Variants in MYEOV observed in about 807,000 individuals in gnomAD.
MYEOV encodes myeloma overexpressed, also known as myeloma-overexpressed gene protein.
MYEOV carries 4 observed loss-of-function variants against 4.5 expected under a neutral mutation model. The observed-to-expected ratio is 0.89, with a 90% CI of 0.44 to 2.03. The LOEUF (loss-of-function observed/expected upper bound fraction) is 2.03, where lower values mean the gene tolerates loss of function less well. MYEOV is among the 30% of genes most tolerant of loss of function. The probability of loss-of-function intolerance (pLI) is 0.03; values close to 1 mark genes in which losing one functional copy is unlikely to be tolerated. For synonymous variants in MYEOV, 184 were observed against 170.3 expected (o/e 1.08, Z -0.63); for missense variants, 408 against 412.8 (o/e 0.99, Z 0.10).
chr11:69,296,260 G>T lies in MYEOV; in HGVS notation c.810G>T (p.Gly270=), dbSNP rs755790247. 3.8e-6 allele frequency: 6 copies of T among 1,588,860 alleles called. No homozygotes were observed. Among genetic ancestry groups the T allele is most frequent in the Non-Finnish European group, 5.1e-6 (6 of 1,165,258 alleles). The change falls in exon 3 of 3, where the codon GGG becomes GGT. Residue 270 remains glycine, a synonymous_variant. Transcript: ENST00000441339. ...WLTVVTVEAL[G]GWRMGVRRTG... Reference sequence around the variant, plus strand: ...CTGTTGTGACTGTTGAGGCCCTGGGGGGGTGGCGCATGGGAGTTAGGAGGA... The same window carrying T: ...CTGTTGTGACTGTTGAGGCCCTGGGTGGGTGGCGCATGGGAGTTAGGAGGA...
In MYEOV at chr11:69,295,698, C is replaced by G; in HGVS notation, c.248C>G (p.Ser83Cys). 6.2e-7 allele frequency: 1 copy of G among 1,614,190 alleles called. No homozygotes were observed. Among genetic ancestry groups the G allele is most frequent in the East Asian group, 2.2e-5 (1 of 44,882 alleles). ...AGRSRGRLCL[S>C]QALRVAVRGA... ...AGATCCCGGGGCCGCCTCTGTCTCT[C>G]CCAGGCCCTGCGTGTTGCGGTGAGA... The change falls in exon 3 of 3, where the codon TCC (serine) becomes TGC (cysteine). Residue 83 changes from serine (S) to cysteine (C), a missense_variant. Ser to Cys is a moderately radical substitution (Grantham distance 112, BLOSUM62 -1). Coordinates refer to ENST00000441339, the MANE Select transcript of MYEOV (RefSeq NM_001293291.2). The surrounding 1 kb of genome is among the most constrained non-coding windows in gnomAD (Gnocchi z 4.1).
At position 69,296,092 on chromosome 11, in the gene MYEOV, CG is replaced by C. The variant is rs759382925; in HGVS notation, c.646del (p.Ala216HisfsTer4). 6.2e-7 allele frequency: 1 copy of C among 1,614,154 alleles called. No homozygotes were observed. Among genetic ancestry groups the C allele is most frequent in the African/African-American group, 1.3e-5 (1 of 75,056 alleles). ...SPGRGLLAGA[G>X]ALCMTLAESS... ...CTGGGCGAGGACTTCTGGCCGGTGC[CG>C]GGGCACTCTGCATGACCCTGGCAGA... is the stretch of plus-strand genomic sequence containing the variant. On this transcript the variant is annotated frameshift_variant, in exon 3 of 3. Coordinates refer to ENST00000441339, the MANE Select transcript of MYEOV (RefSeq NM_001293291.2). LOFTEE classifies it low-confidence loss of function (END_TRUNC).
In MYEOV at chr11:69,296,189, T is replaced by A; in HGVS notation, c.739T>A (p.Cys247Ser). Residue 247 changes from cysteine to serine, a missense_variant, in exon 3 of 3, where the codon TGC becomes AGC. Transcript: ENST00000441339. ...CCTCCACCGGCACCCCACCCCTCACTGCTCCACCTGGGGCCTGCCTCTGCG... is the reference window on the plus strand; with the variant it reads ...CCTCCACCGGCACCCCACCCCTCACAGCTCCACCTGGGGCCTGCCTCTGCG... ...LTLHRHPTPH[C>S]STWGLPLRVA... The A allele has an allele frequency of 1.2e-6, 2 of 1,613,676 alleles. No homozygotes were observed. Among genetic ancestry groups the A allele is most frequent in the Non-Finnish European group, 1.7e-6 (2 of 1,179,760 alleles).
rs982641459 is a variant in MYEOV at position 69,294,172 on chromosome 11, C to A, written c.-527C>A. 1.1e-5 allele frequency: 1 copy of A among 92,986 alleles called. No homozygotes were observed. Among genetic ancestry groups the A allele is most frequent in the African/African-American group, 4.1e-5 (1 of 24,678 alleles). 5.8% of individuals were successfully genotyped at this position (92,986 alleles called of 1,614,324 possible). ...ATTCTCCTGTTACTGTCCCGCGAAC[C>A]CACATCCCTACAAAGCAGGAAAGTA... On this transcript the variant is annotated 5_prime_UTR_variant, in exon 1 of 3. Coordinates refer to ENST00000441339, the MANE Select transcript of MYEOV (RefSeq NM_001293291.2).
chr11:69,296,258 G>A lies in MYEOV; in HGVS notation c.808G>A (p.Gly270Arg), dbSNP rs139070654. Reference protein sequence around the residue: ...WLTVVTVEALGGWRMGVRRTG... With the variant: ...WLTVVTVEALRGWRMGVRRTG... ...GACTGTTGTGACTGTTGAGGCCCTG[G>A]GGGGGTGGCGCATGGGAGTTAGGAG... Residue 270 changes from glycine (G) to arginine (R), a missense_variant, in exon 3 of 3, where the codon GGG becomes AGG. Physicochemically the swap from Gly to Arg is moderately radical, Grantham distance 125. Coordinates refer to ENST00000441339, the MANE Select transcript of MYEOV (RefSeq NM_001293291.2). 1.3e-6 allele frequency: 2 copies of A among 1,589,210 alleles called. No individual in the cohort carries two copies. The highest frequency in any genetic ancestry group is 1.7e-6 in the Non-Finnish European group (2 of 1,165,566).
Position 69,294,203 on chromosome 11 carries a change from G to A in MYEOV, c.-496G>A, listed in dbSNP as rs1855114562. ...CCCTACAAAGCAGGAAAGTATGCTT[G>A]GGAGAGGCCAAGTGAGTGGGGAATC... On this transcript the variant is annotated 5_prime_UTR_variant, in exon 1 of 3. Transcript: ENST00000441339. 1 of 152,312 alleles carries A rather than the reference G, an allele frequency of 6.6e-6. No homozygotes were observed. The highest frequency in any genetic ancestry group is 2.1e-4 in the South Asian group (1 of 4,836). 9.4% of individuals were successfully genotyped at this position (152,312 alleles called of 1,614,324 possible). A position where few individuals can be genotyped will look rare whatever the true frequency, so the allele number is the denominator to read the frequency against.
Position 69,294,351 on chromosome 11 carries a change from A to G in MYEOV, c.-348A>G, listed in dbSNP as rs1855118729. The G allele has an allele frequency of 1.3e-5, 2 of 151,504 alleles. No homozygotes were observed. Among genetic ancestry groups the G allele is most frequent in the African/African-American group, 4.9e-5 (2 of 41,114 alleles). The allele number at this position is 151,504 out of a possible 1,614,324, so 9.4% of individuals were successfully genotyped here. On this transcript the variant is annotated 5_prime_UTR_variant, in exon 1 of 3. Transcript: ENST00000441339. ...GCTTTCACCAGCCATATTAGCTCCCACTCACCCCCCGTCGTGGAAGCCTCG... is the reference window on the plus strand; with the variant it reads ...GCTTTCACCAGCCATATTAGCTCCCGCTCACCCCCCGTCGTGGAAGCCTCG...
Position 69,295,194 on chromosome 11 carries a change from G to C in MYEOV, c.-122-39G>C, listed in dbSNP as rs1176216991. The C allele has an allele frequency of 1.0e-5, 13 of 1,243,460 alleles. No individual in the cohort carries two copies. The highest frequency in any genetic ancestry group is 1.4e-5 in the Non-Finnish European group (13 of 920,730). The allele number at this position is 1,243,460 out of a possible 1,614,324, so 77.0% of individuals were successfully genotyped here. A position where few individuals can be genotyped will look rare whatever the true frequency, so the allele number is the denominator to read the frequency against. On this transcript the variant is annotated intron_variant, in intron 1 of 2. Coordinates refer to ENST00000441339, the MANE Select transcript of MYEOV (RefSeq NM_001293291.2). The surrounding 1 kb of genome is among the most constrained non-coding windows in gnomAD (Gnocchi z 4.1). ...TGGTCAAGGAGGTCAGTGCCTTCCC[G>C]GGGTGGATTACGGATGGTAGTATCT... is the stretch of plus-strand genomic sequence containing the variant.
Position 69,296,267 on chromosome 11 carries a change from C to T in MYEOV, c.817C>T (p.Arg273Cys), listed in dbSNP as rs745781957. Residue 273 changes from arginine (R) to cysteine (C), a missense_variant, in exon 3 of 3, where the codon CGC (arginine) becomes TGC (cysteine). Transcript: ENST00000441339. ...GACTGTTGAGGCCCTGGGGGGGTGG[C>T]GCATGGGAGTTAGGAGGACTGGCCA... ...VVTVEALGGW[R>C]MGVRRTGQVG... 47 of 1,579,744 alleles carry T rather than the reference C, an allele frequency of 3.0e-5. No individual in the cohort carries two copies. The highest frequency in any genetic ancestry group is 6.7e-5 in the East Asian group (3 of 44,534).
Position 69,295,379 on chromosome 11 carries a change from T to C in MYEOV, c.25T>C (p.Tyr9His). ...CATGGCCCTCAGAATCTGCGTCACA[T>C]ACACCCCAGCTCTCCCGATAGGTCT... MALRICVTYTPALPIGLCT... is the reference protein window; with the variant it reads MALRICVTHTPALPIGLCT... Residue 9 changes from tyrosine to histidine, a missense_variant, in exon 2 of 3, where the codon TAC becomes CAC. Tyr to His is a moderately conservative substitution (Grantham distance 83). Coordinates refer to ENST00000441339, the MANE Select transcript of MYEOV (RefSeq NM_001293291.2). The surrounding 1 kb of genome is among the most constrained non-coding windows in gnomAD (Gnocchi z 4.1). The C allele has an allele frequency of 6.2e-7, 1 of 1,611,640 alleles. No homozygotes were observed. The highest frequency in any genetic ancestry group is 8.5e-7 in the Non-Finnish European group (1 of 1,178,752).
At position 69,296,352 on chromosome 11, in the gene MYEOV, A is replaced by ACCTCCT. The variant is rs752054700; in HGVS notation, c.916_921dup (p.Leu306_Leu307dup). 1 of 1,479,756 alleles carries ACCTCCT rather than the reference A, an allele frequency of 6.8e-7. No individual in the cohort carries two copies. 91.7% of individuals were successfully genotyped at this position (1,479,756 alleles called of 1,614,324 possible). On this transcript the variant is annotated inframe_insertion, in exon 3 of 3. Transcript: ENST00000441339. ...GGTGCTTCTCCTCTCCTCCTCCACC[A>ACCTCCT]CCTCCTCCTCCTCCTCCTCATCATC...
chr11:69,296,155 A>G lies in MYEOV; in HGVS notation c.705A>G (p.Ala235=), dbSNP rs774371275. 13 of 1,614,020 alleles carry G rather than the reference A, an allele frequency of 8.1e-6. No individual in the cohort carries two copies. The highest frequency in any genetic ancestry group is 2.2e-5 in the South Asian group (2 of 91,092). ...CTGACTATGAAAGGGGAAGAAGAGC[A>G]TGCCTGACCCTCCACCGGCACCCCA... is the stretch of plus-strand genomic sequence containing the variant. ...SCPDYERGRR[A]CLTLHRHPTP... The change falls in exon 3 of 3, where the codon GCA becomes GCG. Residue 235 remains alanine, a synonymous_variant. Transcript: ENST00000441339.
At chr11:69,294,610 A>G (rs7112680) in intron 1 of MYEOV, 34 bp downstream of exon 1, 3,856 of 152,464 alleles carry the variant, frequency 0.025, 182 homozygotes, top group African/African-American at 0.089. Context: ...GTTTTAAGGA[A>G]AGCCCTGTGG....
At position 69,296,777 on chromosome 11, in the gene MYEOV, T is replaced by C. The variant is rs1855212999; in HGVS notation, c.*385T>C. 5.0e-6 allele frequency: 1 copy of C among 199,068 alleles called. No homozygotes were observed. Among genetic ancestry groups the C allele is most frequent in the African/African-American group, 2.3e-5 (1 of 43,030 alleles). The allele number at this position is 199,068 out of a possible 1,614,324, so 12.3% of individuals were successfully genotyped here. On this transcript the variant is annotated 3_prime_UTR_variant, in exon 3 of 3. Transcript: ENST00000441339. Reference sequence around the variant, plus strand: ...GCATTGGTGGTAGCCCCTGGAGACATTGTGCAATGGGGCTACGAGGCTGCA... The same window carrying C: ...GCATTGGTGGTAGCCCCTGGAGACACTGTGCAATGGGGCTACGAGGCTGCA...
intron 1 of MYEOV, 113 bp downstream of exon 1, chr11:69,294,689 C>T (rs1855128765): frequency 6.5e-6 from 1 of 152,966 alleles, no homozygotes; most frequent in Non-Finnish European, 1.5e-5. Flanking sequence ...CTGGGGCCAT[C>T]ATCCTGTGAG....
chr11:69,295,338 G>A lies in MYEOV; in HGVS notation c.-17G>A. ...CCCCTGGCACTTAGGACAGCGTCTG[G>A]CTCCTTCCCTCGGCTCATGGCCCTC... On this transcript the variant is annotated 5_prime_UTR_variant, in exon 2 of 3. Coordinates refer to ENST00000441339, the MANE Select transcript of MYEOV (RefSeq NM_001293291.2). The surrounding 1 kb of genome is among the most constrained non-coding windows in gnomAD (Gnocchi z 4.1). 2 of 1,580,644 alleles carry A rather than the reference G, an allele frequency of 1.3e-6. No homozygotes were observed. The highest frequency in any genetic ancestry group is 1.4e-5 in the African/African-American group (1 of 73,982).
rs1256082512 is a variant in MYEOV at position 69,295,940 on chromosome 11, C to T, written c.490C>T (p.His164Tyr). Residue 164 changes from histidine to tyrosine, a missense_variant, in exon 3 of 3, where the codon CAC becomes TAC. By Grantham distance (83) the His-to-Tyr change is moderately conservative. Transcript: ENST00000441339. The surrounding 1 kb of genome is among the most constrained non-coding windows in gnomAD (Gnocchi z 4.1). ...GTCTGCAAGGGTGGTGGGCGTTGCT[C>T]ACCTGGGAGAAGCCTTTAGAGTGGG... ...SQSARVVGVA[H>Y]LGEAFRVGVE... 6.2e-7 allele frequency: 1 copy of T among 1,614,078 alleles called. No homozygotes were observed. The highest frequency in any genetic ancestry group is 1.7e-5 in the Admixed American group (1 of 60,014).
In MYEOV at chr11:69,296,244, C is replaced by T; in HGVS notation, c.794C>T (p.Thr265Ile). The T allele has an allele frequency of 6.2e-7, 1 of 1,600,654 alleles. No homozygotes were observed. ...GCTGGGTCCTGGCTGACTGTTGTGACTGTTGAGGCCCTGGGGGGGTGGCGC... is the reference window on the plus strand; with the variant it reads ...GCTGGGTCCTGGCTGACTGTTGTGATTGTTGAGGCCCTGGGGGGGTGGCGC... ...RVAGSWLTVVTVEALGGWRMG... is the reference protein window; with the variant it reads ...RVAGSWLTVVIVEALGGWRMG... The change falls in exon 3 of 3, where the codon ACT becomes ATT. Residue 265 changes from threonine (T) to isoleucine (I), a missense_variant. Coordinates refer to ENST00000441339, the MANE Select transcript of MYEOV (RefSeq NM_001293291.2).
Position 69,296,577 on chromosome 11 carries a change from C to A in MYEOV, c.*185C>A. The stretch of plus-strand genomic sequence containing the variant: ...CTCCTACCCTCTCCTCTTCCTTCTC[C>A]TTTCTCCCATTCTTCCCTGCCTCTT... On this transcript the variant is annotated 3_prime_UTR_variant, in exon 3 of 3. Coordinates refer to ENST00000441339, the MANE Select transcript of MYEOV (RefSeq NM_001293291.2). 2.1e-6 allele frequency: 1 copy of A among 471,180 alleles called. No individual in the cohort carries two copies. The highest frequency in any genetic ancestry group is 3.7e-6 in the Non-Finnish European group (1 of 270,256). 29.2% of individuals were successfully genotyped at this position (471,180 alleles called of 1,614,324 possible).
Sources: gnomAD v4.1 joint callset for allele counts on GRCh38, gnomAD v4.1.1 for gene constraint, Gnocchi (gnomAD v3.1) non-coding constraint, MANE v1.5 for transcripts, NCBI Gene and HGNC (gene_info 2026-07-23, HGNC 2026-07-21) for gene names.